SLC38A6: variants seen among roughly 807,000 people sequenced by gnomAD.
SLC38A6 encodes the protein N system amino acid transporter NAT-1.
A neutral mutation model predicts 65.0 loss-of-function variants in SLC38A6; 73 were observed. The observed-to-expected ratio is 1.12, with a 90% CI of 0.93 to 1.37. The LOEUF is 1.37. Ranked by LOEUF, SLC38A6 falls within the 40% of genes most tolerant of loss-of-function variation. The pLI, the probability that SLC38A6 is intolerant of heterozygous loss-of-function variation, is 0.00. For missense variants in SLC38A6, 561 were observed against 531.1 expected, an observed-to-expected ratio of 1.06 and a Z score of -0.55; for synonymous variants, 183 against 178.8, an observed-to-expected ratio of 1.02 and a Z score of -0.19.
At position 61,040,654 on chromosome 14, in the gene SLC38A6, T is replaced by A. The variant is rs146838355; in HGVS notation, c.625-2493T>A. 3.7e-3 allele frequency among the ~76,000 whole-genome samples: 559 copies of A among 152,094 alleles called. 4 individuals are homozygous for A. Among genetic ancestry groups the A allele is most frequent in the African/African-American group, 0.013 (521 of 41,522 alleles). On this transcript the variant is annotated intron_variant, in intron 8 of 15. Coordinates refer to ENST00000267488, the MANE Select transcript of SLC38A6 (RefSeq NM_153811.3). ...GCGCCTGGCCAGATAAATTTTTTTT[T>A]AAATGTTGGTAGAGACAGAGTCCCA...
intron 9 of SLC38A6, 54 bp downstream of exon 9, chr14:61,043,266 A>G: frequency 8.0e-7 from 1 of 1,243,774 alleles, no homozygotes; most frequent in Non-Finnish European, 1.1e-6. Context: ...AACTAAAAAG[A>G]AAAGAAAGAC....
intron 5 of SLC38A6, among the ~76,000 whole-genome samples, chr14:61,029,603 T>C (rs1445125243): frequency 6.6e-6 from 1 of 152,174 alleles, no homozygotes; most frequent in Non-Finnish European, 1.5e-5. Context: ...TCTGTAACCA[T>C]ATTAAAACTT....
chr14:61,009,324 T>G (rs1385150625), intron 3 of SLC38A6, among the ~76,000 whole-genome samples: 1 of 152,186 alleles, frequency 6.6e-6, no homozygotes, highest in Admixed American at 6.5e-5. Flanking sequence ...TACATCAATC[T>G]GCATGTTGAC....
At chr14:61,055,106 C>CTTTTTTTTTTTTTTTT (rs1280245361), downstream of SLC38A6, among the ~76,000 whole-genome samples, 1 of 63,288 alleles carries the variant, frequency 1.6e-5, no homozygotes, top group Non-Finnish European at 2.9e-5. Flanking sequence ...AAGTCTTTTT[C>CTTTTTTTTTTTTTTTT]TTTTTTTTTT....
At chr14:61,083,234 C>T (rs1345978840) in intron 16 of SLC38A6, among the ~76,000 whole-genome samples, 1 of 152,204 alleles carries the variant, frequency 6.6e-6, no homozygotes, top group African/African-American at 2.4e-5. Context: ...TGTCTGCTGC[C>T]TCCTCCCTGC....
chr14:61,007,516 C>T (rs1049587271), intron 3 of SLC38A6, among the ~76,000 whole-genome samples: 1 of 152,054 alleles, frequency 6.6e-6, no homozygotes, highest in Non-Finnish European at 1.5e-5. Flanking sequence ...TTTGCATGTG[C>T]CTGTGGTCCC....
intron 6 of SLC38A6, among the ~76,000 whole-genome samples, chr14:61,036,436 C>T (rs1263746017): frequency 1.3e-5 from 2 of 151,160 alleles, no homozygotes; most frequent in African/African-American, 4.9e-5. Flanking sequence ...CAGACTGGGG[C>T]CTGTTGGTGG....
rs2042451052 is a variant in SLC38A6 at position 61,050,580 on chromosome 14, G to A, written c.994G>A (p.Val332Met). Residue 332 changes from valine to methionine, a missense_variant, in exon 13 of 16, where the codon GTG becomes ATG. Coordinates refer to ENST00000267488, the MANE Select transcript of SLC38A6 (RefSeq NM_153811.3). ...ATCACATGATGTTGTTGTCATGACTGTGAAGTTATGCATACTATTTGCTGT... is the reference window on the plus strand; with the variant it reads ...ATCACATGATGTTGTTGTCATGACTATGAAGTTATGCATACTATTTGCTGT... ...YLSHDVVVMT[V>M]KLCILFAVLL... 6.3e-7 allele frequency: 1 copy of A among 1,597,482 alleles called. No individual in the cohort carries two copies. The highest frequency in any genetic ancestry group is 8.6e-7 in the Non-Finnish European group (1 of 1,168,890).
At chr14:61,026,417 C>T (rs113495178) in intron 5 of SLC38A6, among the ~76,000 whole-genome samples, 287 of 152,136 alleles carry the variant, frequency 1.9e-3, no homozygotes, top group African/African-American at 6.7e-3. Flanking sequence ...CTAATCACAT[C>T]ACCAAAGGAG....
intron 16 of SLC38A6, among the ~76,000 whole-genome samples, chr14:61,080,380 C>G (rs2043595569): frequency 6.6e-6 from 1 of 152,148 alleles, no homozygotes; most frequent in African/African-American, 2.4e-5. Flanking sequence ...ACTTTTTTCT[C>G]CAGGTCCCAG....
chr14:61,030,031 C>A (rs751293796), intron 5 of SLC38A6, among the ~76,000 whole-genome samples: 20 of 152,118 alleles, frequency 1.3e-4, no homozygotes, highest in Non-Finnish European at 2.9e-4. Flanking sequence ...CAGTTACTAG[C>A]CATACCTATT....
At chr14:61,012,442 GC>G (rs2039651774) in intron 3 of SLC38A6, among the ~76,000 whole-genome samples, 1 of 152,018 alleles carries the variant, frequency 6.6e-6, no homozygotes, top group Non-Finnish European at 1.5e-5. Context: ...GAATGTGTTT[GC>G]TCTTGCTTCT....
At chr14:61,026,282 T>C (rs1337325663) in intron 5 of SLC38A6, among the ~76,000 whole-genome samples, 1 of 152,094 alleles carries the variant, frequency 6.6e-6, no homozygotes, top group Non-Finnish European at 1.5e-5. Flanking sequence ...CAGTGGAGTG[T>C]TAATATTTCA....
intron 3 of SLC38A6, among the ~76,000 whole-genome samples, chr14:61,012,229 A>G (rs996857841): frequency 6.6e-6 from 1 of 152,042 alleles, no homozygotes; most frequent in African/African-American, 2.4e-5. Context: ...CGGTGGTGAT[A>G]TCCCCTTTAT....
chr14:61,025,822 G>A (rs537905196), intron 5 of SLC38A6, among the ~76,000 whole-genome samples: 1 of 152,040 alleles, frequency 6.6e-6, no homozygotes, highest in Non-Finnish European at 1.5e-5. Context: ...TAGATATTTT[G>A]TGGGACCACC....
intron 15 of SLC38A6, among the ~76,000 whole-genome samples, chr14:61,076,376 C>T (rs189640253): frequency 1.3e-5 from 2 of 152,346 alleles, no homozygotes; most frequent in Admixed American, 6.5e-5. Flanking sequence ...GCTGGCACTT[C>T]GGTGTATAGA....
Position 61,051,867 on chromosome 14 carries a change from C to A in SLC38A6, c.1131C>A (p.Leu377=). Residue 377 remains leucine, a synonymous_variant, in exon 14 of 16, where the codon CTC becomes CTA. Coordinates refer to ENST00000267488, the MANE Select transcript of SLC38A6 (RefSeq NM_153811.3). The stretch of plus-strand genomic sequence containing the variant: ...GCCATTTTTTGATCACTCTAGCACT[C>A]AATATTATCATCGTTTTACTTGCAA... ...WIRHFLITLA[L]NIIIVLLAIY... 6.2e-7 allele frequency: 1 copy of A among 1,611,458 alleles called. No homozygotes were observed. Among genetic ancestry groups the A allele is most frequent in the Non-Finnish European group, 8.5e-7 (1 of 1,178,974 alleles).
intron 3 of SLC38A6, among the ~76,000 whole-genome samples, chr14:61,011,735 C>T (rs1469398233): frequency 1.3e-5 from 2 of 152,162 alleles, no homozygotes; most frequent in African/African-American, 2.4e-5. Flanking sequence ...ATGAAGCCGA[C>T]TTGATTATGG....
intron 8 of SLC38A6, among the ~76,000 whole-genome samples, chr14:61,039,416 G>A (rs2041633659): frequency 6.6e-6 from 1 of 151,964 alleles, no homozygotes; most frequent in Admixed American, 6.6e-5. Context: ...TGTCACCCAG[G>A]GTGGAGTGCA....
Sources: allele counts gnomAD v4.1 joint callset (sites outside exome capture counted in the v4.1 genomes callset), GRCh38; gene constraint gnomAD v4.1.1; transcripts MANE v1.5; gene names NCBI Gene and HGNC (gene_info 2026-07-23, HGNC 2026-07-21).